The following ITPK1 variants were observed in gnomAD, a reference collection of about 807,000 sequenced individuals.
The protein encoded by ITPK1 is inositol 1,3,4-trisphosphate 5/6-kinase.
In ITPK1, 21 loss-of-function variants were observed where a neutral mutation model predicts 45.3. The observed-to-expected ratio is 0.46, with a 90% CI of 0.33 to 0.67. The LOEUF is 0.67. Ranked by LOEUF, ITPK1 falls within the 30% of genes least tolerant of loss-of-function variation. ITPK1 has a pLI of 0.02. For synonymous variants in ITPK1, 258 were observed against 253.6 expected (o/e 1.02, Z -0.16); for missense variants, 474 against 573.5 (o/e 0.83, Z 1.77).
chr14:92,951,868 C>A, intron 9 of ITPK1, 78 bp downstream of exon 9: 1 of 1,158,686 alleles, frequency 8.6e-7, no homozygotes, highest in Non-Finnish European at 1.3e-6. Flanking sequence ...TGGCCAAGGA[C>A]CCCATGGCCA....
chr14:93,110,969 G>C (rs1347258680), intron 2 of ITPK1, among the ~76,000 whole-genome samples: 1 of 152,064 alleles, frequency 6.6e-6, no homozygotes, highest in Non-Finnish European at 1.5e-5. Context: ...CGGAGCCTCT[G>C]TTTCCTCATC....
chr14:92,962,620 G>A, intron 6 of ITPK1, 131 bp downstream of exon 6: 2 of 796,060 alleles, frequency 2.5e-6, no homozygotes, highest in East Asian at 2.6e-5. Flanking sequence ...GTGGAGGTGG[G>A]ACCCAGGGCC....
chr14:93,093,941 AC>A (rs1463408679), intron 2 of ITPK1, among the ~76,000 whole-genome samples: 1 of 152,210 alleles, frequency 6.6e-6, no homozygotes, highest in Non-Finnish European at 1.5e-5. Flanking sequence ...ATCCTGTGCA[AC>A]CCGGCCTCAA....
intron 2 of ITPK1, among the ~76,000 whole-genome samples, chr14:93,102,009 G>C (rs1366325138): frequency 6.6e-6 from 1 of 152,226 alleles, no homozygotes; most frequent in African/African-American, 2.4e-5. Flanking sequence ...GGAGCTAACT[G>C]TCCTTATACC....
chr14:93,044,078 A>G (rs1306754206), intron 3 of ITPK1, among the ~76,000 whole-genome samples: 1 of 145,560 alleles, frequency 6.9e-6, no homozygotes, highest in Non-Finnish European at 1.5e-5. Context: ...GAGGGTACTG[A>G]GGAATTCAGG....
Position 92,938,545 on chromosome 14 carries a change from G to A in ITPK1, c.*3016C>T. On this transcript the variant is annotated 3_prime_UTR_variant, in exon 11 of 11. Transcript: ENST00000267615. ...CAGTCCCCTGGGTACAGAGAGGAAT[G>A]TTTTTCCCAGGTTGCTTTCTCCTTT... 1.2e-6 allele frequency: 2 copies of A among 1,608,406 alleles called. No individual in the cohort carries two copies. Among genetic ancestry groups the A allele is most frequent in the Non-Finnish European group, 1.7e-6 (2 of 1,174,952 alleles).
At chr14:92,987,685 CCTCT>C (rs1282252965) in intron 5 of ITPK1, among the ~76,000 whole-genome samples, 4 of 152,184 alleles carry the variant, frequency 2.6e-5, no homozygotes, top group African/African-American at 9.7e-5. Context: ...GTTACCATAA[CCTCT>C]CTAAGGTTCC....
chr14:93,068,462 T>C (rs1890849985), intron 3 of ITPK1: 2 of 152,292 alleles, frequency 1.3e-5, no homozygotes, highest in South Asian at 4.1e-4. Context: ...GGACCGCAAG[T>C]CTACCATGGG....
intron 2 of ITPK1, among the ~76,000 whole-genome samples, chr14:93,084,388 C>T (rs977834192): frequency 6.6e-6 from 1 of 152,146 alleles, no homozygotes; most frequent in South Asian, 2.1e-4. Context: ...GAGGAAAGGG[C>T]CCCTGTAATG....
At chr14:93,060,454 G>A (rs1268209304) in intron 3 of ITPK1, among the ~76,000 whole-genome samples, 2 of 152,152 alleles carry the variant, frequency 1.3e-5, no homozygotes, top group East Asian at 3.8e-4. Flanking sequence ...GGCTACGTGG[G>A]CCAGGCATGC....
In ITPK1 at chr14:93,014,866, T is replaced by A. The variant is rs900843515; in HGVS notation, c.246+1810A>T. On this transcript the variant is annotated intron_variant, in intron 4 of 10. Coordinates refer to ENST00000267615, the MANE Select transcript of ITPK1 (RefSeq NM_014216.6). The surrounding 1 kb of genome is among the most constrained non-coding windows in gnomAD (Gnocchi z 4.4). ...GCGGTAACTGCTCTGCAGTGCTTTC[T>A]GAGGTAACGGTAATCAGGCATCTGG... Among the ~76,000 whole-genome samples the A allele has an allele frequency of 6.6e-6, 1 of 152,230 alleles. No homozygotes were observed. Among genetic ancestry groups the A allele is most frequent in the Non-Finnish European group, 1.5e-5 (1 of 68,044 alleles).
At chr14:92,956,692 C>A (rs1884750500) in intron 8 of ITPK1, among the ~76,000 whole-genome samples, 1 of 152,170 alleles carries the variant, frequency 6.6e-6, no homozygotes, top group Non-Finnish European at 1.5e-5. Flanking sequence ...TGGGTAAAAA[C>A]AGAAAGGAGT....
At chr14:93,046,927 T>C (rs1889804074) in intron 3 of ITPK1, among the ~76,000 whole-genome samples, 1 of 152,210 alleles carries the variant, frequency 6.6e-6, no homozygotes, top group Non-Finnish European at 1.5e-5. Context: ...AGCAGGCGGC[T>C]GGTAGGGAAA....
At chr14:92,965,444 C>T (rs1885292925) in intron 5 of ITPK1, among the ~76,000 whole-genome samples, 1 of 152,226 alleles carries the variant, frequency 6.6e-6, no homozygotes, top group Non-Finnish European at 1.5e-5. Context: ...ATAAGGAGGT[C>T]TGCTCTTGCC....
intron 2 of ITPK1, among the ~76,000 whole-genome samples, chr14:93,091,031 T>C (rs999030735): frequency 6.6e-6 from 1 of 152,100 alleles, no homozygotes. Context: ...CAAGGGCCAG[T>C]GGTCCCTCTC....
chr14:92,987,300 G>A (rs1288180339), intron 5 of ITPK1, among the ~76,000 whole-genome samples: 1 of 152,214 alleles, frequency 6.6e-6, no homozygotes, highest in Non-Finnish European at 1.5e-5. Flanking sequence ...TTGGCTGTGG[G>A]GGTGCAGGAA....
At chr14:92,949,019 T>C (rs1003857925) in intron 9 of ITPK1, among the ~76,000 whole-genome samples, 20 of 151,964 alleles carry the variant, frequency 1.3e-4, no homozygotes, top group African/African-American at 4.8e-4. Context: ...TGGTGTCGTA[T>C]CTGGAAGAAA....
chr14:92,970,877 C>A (rs979720596), intron 5 of ITPK1, among the ~76,000 whole-genome samples: 1 of 152,116 alleles, frequency 6.6e-6, no homozygotes, highest in African/African-American at 2.4e-5. Flanking sequence ...CCCCGTGATC[C>A]GCCCGCCTCG....
In ITPK1 at chr14:93,034,853, G is replaced by A. The variant is rs182384105; in HGVS notation, c.121-18052C>T. Among the ~76,000 whole-genome samples the A allele has an allele frequency of 2.1e-3, 314 of 152,366 alleles. 1 individual carries two copies. Among genetic ancestry groups the A allele is most frequent in the Non-Finnish European group, 3.4e-3 (233 of 68,026 alleles). On this transcript the variant is annotated intron_variant, in intron 3 of 10. Coordinates refer to ENST00000267615, the MANE Select transcript of ITPK1 (RefSeq NM_014216.6). This position sits in a 1 kb window ranked among gnomAD's most constrained non-coding sequence, Gnocchi z 4.1. ...CTGTGTGGGCCTGCACCACAGGGCC[G>A]AGGATTCAGTGGTTCCCTCCAACCT...
Sources: gnomAD v4.1 joint callset for allele counts (sites outside exome capture counted in the v4.1 genomes callset) on GRCh38, gnomAD v4.1.1 for gene constraint, Gnocchi (gnomAD v3.1) non-coding constraint, MANE v1.5 for transcripts, NCBI Gene and HGNC (gene_info 2026-07-23, HGNC 2026-07-21) for gene names.